The following KLF16 variants were observed in gnomAD, a reference collection of about 807,000 sequenced individuals.
KLF16 encodes the protein Krueppel-like factor 16.
In KLF16, 6 loss-of-function variants were observed where a neutral mutation model predicts 6.1. The observed-to-expected ratio is 0.98, with a 90% CI of 0.54 to 1.93. The LOEUF (loss-of-function observed/expected upper bound fraction) is 1.93, where lower values mean the gene tolerates loss of function less well. Ranked by LOEUF, KLF16 falls within the 30% of genes most tolerant of loss-of-function variation. KLF16 has a pLI of 0.01. For missense variants in KLF16, 355 were observed against 363.8 expected, an observed-to-expected ratio of 0.98 and a Z score of 0.20; for synonymous variants, 211 against 176.5, an observed-to-expected ratio of 1.20 and a Z score of -1.55.
At chr19:1,873,814 T>C in the KLF16 span, among the ~76,000 whole-genome samples, 12 of 152,338 alleles carry the variant, frequency 7.9e-5, no homozygotes, top group Admixed American at 7.8e-4. Flanking sequence ...GGGTGGAAGT[T>C]GGCCTGACAG....
rs923118212 is a variant in KLF16 at position 1,852,615 on chromosome 19, T to C, written c.*1844A>G. 5 of 152,018 alleles carry C rather than the reference T, an allele frequency of 3.3e-5. No individual in the cohort carries two copies. Among genetic ancestry groups the C allele is most frequent in the African/African-American group, 7.3e-5 (3 of 41,350 alleles). The allele number at this position is 152,018 out of a possible 1,614,324, so 9.4% of individuals were successfully genotyped here. On this transcript the variant is annotated 3_prime_UTR_variant, in exon 2 of 2. Coordinates refer to ENST00000250916, the MANE Select transcript of KLF16 (RefSeq NM_031918.4). ...TGGACACTGGAGAGGGGCCCAGTTA[T>C]AGAGTTCTGGAACCCACAGCCCTAC...
At chr19:1,869,965 CCTCT>C in the KLF16 span, among the ~76,000 whole-genome samples, 1 of 139,070 alleles carries the variant, frequency 7.2e-6, no homozygotes, top group Non-Finnish European at 1.5e-5. Flanking sequence ...ACGGAGTCTC[CCTCT>C]GTCGCCAGGC....
At chr19:1,866,254 G>C (rs145875498), upstream of KLF16, among the ~76,000 whole-genome samples, 176 of 151,674 alleles carry the variant, frequency 1.2e-3, no homozygotes, top group African/African-American at 4.2e-3. Flanking sequence ...GTTGCAGTGA[G>C]TTGAGATCGA....
the KLF16 span, among the ~76,000 whole-genome samples, chr19:1,868,842 C>T: frequency 2.0e-5 from 3 of 152,052 alleles, no homozygotes; most frequent in Non-Finnish European, 2.9e-5. Context: ...AGGGTTTCAT[C>T]ATGTTGACCG....
chr19:1,873,568 C>T, the KLF16 span, among the ~76,000 whole-genome samples: 1 of 152,232 alleles, frequency 6.6e-6, no homozygotes, highest in Admixed American at 6.5e-5. Flanking sequence ...GAGACTCAGC[C>T]CCCAGGCGCC....
At chr19:1,861,276 A>T (rs998487868) in intron 1 of KLF16, among the ~76,000 whole-genome samples, 1 of 152,188 alleles carries the variant, frequency 6.6e-6, no homozygotes, top group African/African-American at 2.4e-5. Flanking sequence ...TGGAGCTCTC[A>T]GGCCACGCCA....
At chr19:1,856,950 C>CGGGG (rs946961126) in intron 1 of KLF16, among the ~76,000 whole-genome samples, 1 of 43,262 alleles carries the variant, frequency 2.3e-5, no homozygotes, top group African/African-American at 2.0e-4. Context: ...AGCAGGTTGC[C>CGGGG]GGGGTGGGGG....
Position 1,853,409 on chromosome 19 carries a change from G to T in KLF16, c.*1050C>A, listed in dbSNP as rs980334371. The T allele has an allele frequency of 1.3e-5, 2 of 152,746 alleles. No homozygotes were observed. The highest frequency in any genetic ancestry group is 3.8e-4 in the East Asian group (2 of 5,196). 9.5% of individuals were successfully genotyped at this position (152,746 alleles called of 1,614,324 possible). Reference sequence around the variant, plus strand: ...ACCTCTTCCAAGCACCCAGGAGAAGGAGGGGAGGCCAGGGAAGCAGGGCCG... The same window carrying T: ...ACCTCTTCCAAGCACCCAGGAGAAGTAGGGGAGGCCAGGGAAGCAGGGCCG... On this transcript the variant is annotated 3_prime_UTR_variant, in exon 2 of 2. Transcript: ENST00000250916.
upstream of KLF16, among the ~76,000 whole-genome samples, chr19:1,865,851 T>C (rs1455303454): frequency 2.0e-5 from 3 of 152,344 alleles, no homozygotes; most frequent in South Asian, 2.1e-4. Flanking sequence ...CTGTCCTCTC[T>C]TCCTTACTCT....
In KLF16 at chr19:1,852,399, T is replaced by G. The variant is rs2011852765; in HGVS notation, c.*2060A>C. 1.3e-5 allele frequency: 2 copies of G among 149,762 alleles called. No homozygotes were observed. The highest frequency in any genetic ancestry group is 1.5e-5 in the Non-Finnish European group (1 of 67,360). The allele number at this position is 149,762 out of a possible 1,614,324, so 9.3% of individuals were successfully genotyped here. On this transcript the variant is annotated 3_prime_UTR_variant, in exon 2 of 2. Coordinates refer to ENST00000250916, the MANE Select transcript of KLF16 (RefSeq NM_031918.4). ...GGGAGAGACCACACACACGCTGGAG[T>G]AGGGTTTAAAAAGGGGCTTGTTTAA... is the stretch of plus-strand genomic sequence containing the variant.
In KLF16 at chr19:1,859,045, C is replaced by T. The variant is rs543190386; in HGVS notation, c.457+3996G>A. Among the ~76,000 whole-genome samples the T allele has an allele frequency of 1.1e-3, 164 of 152,102 alleles. 1 individual carries two copies. The highest frequency in any genetic ancestry group is 3.8e-3 in the African/African-American group (156 of 41,530). On this transcript the variant is annotated intron_variant, in intron 1 of 1. Coordinates refer to ENST00000250916, the MANE Select transcript of KLF16 (RefSeq NM_031918.4). Reference sequence around the variant, plus strand: ...CTCTGCACTCTGCAGGCTGGAGAGGCGGTGGGTGGGGGAGGGCAGTCCCTG... The same window carrying T: ...CTCTGCACTCTGCAGGCTGGAGAGGTGGTGGGTGGGGGAGGGCAGTCCCTG...
At chr19:1,863,600 A>T, upstream of KLF16, 1 of 397,068 alleles carries the variant, frequency 2.5e-6, no homozygotes, top group Non-Finnish European at 3.4e-6. Context: ...GAGGAGGAGG[A>T]GGAGGAGGCC....
chr19:1,867,070 C>A (rs967193780), upstream of KLF16, among the ~76,000 whole-genome samples: 11 of 152,186 alleles, frequency 7.2e-5, no homozygotes, highest in Non-Finnish European at 1.3e-4. Flanking sequence ...AGGGGACAGA[C>A]AGCACCCAGG....
chr19:1,872,052 G>A, the KLF16 span, among the ~76,000 whole-genome samples: 5 of 152,140 alleles, frequency 3.3e-5, no homozygotes, highest in South Asian at 2.1e-4. Flanking sequence ...CAGGCACCCC[G>A]CTTCCTTGGC....
At chr19:1,859,882 AG>A (rs952576314) in intron 1 of KLF16, among the ~76,000 whole-genome samples, 2 of 151,930 alleles carry the variant, frequency 1.3e-5, no homozygotes, top group African/African-American at 4.8e-5. Flanking sequence ...ACGACTGGGG[AG>A]GGGGTGCTCC....
In KLF16 at chr19:1,854,336, G is replaced by A. The variant is rs1166447321; in HGVS notation, c.*123C>T. 3 of 1,201,522 alleles carry A rather than the reference G, an allele frequency of 2.5e-6. No homozygotes were observed. The highest frequency in any genetic ancestry group is 6.3e-5 in the East Asian group (2 of 31,522). 74.4% of individuals were successfully genotyped at this position (1,201,522 alleles called of 1,614,324 possible). The stretch of plus-strand genomic sequence containing the variant: ...TCAGGCCCCCTCCTCACTCTCTGGA[G>A]GGGGGCAGGGGTGTCTTCAGGGTTT... On this transcript the variant is annotated 3_prime_UTR_variant, in exon 2 of 2. Coordinates refer to ENST00000250916, the MANE Select transcript of KLF16 (RefSeq NM_031918.4).
the KLF16 span, among the ~76,000 whole-genome samples, chr19:1,872,615 G>A: frequency 2.6e-5 from 4 of 152,232 alleles, no homozygotes; most frequent in African/African-American, 9.6e-5. Flanking sequence ...GCTGGGGAGA[G>A]AATAGGCTCT....
At chr19:1,873,858 CAT>C in the KLF16 span, among the ~76,000 whole-genome samples, 1 of 152,264 alleles carries the variant, frequency 6.6e-6, no homozygotes, top group Non-Finnish European at 1.5e-5. Flanking sequence ...CGGTTTACCC[CAT>C]GTGAGAGGGA....
In KLF16 at chr19:1,863,510, C is replaced by CGCGCG. The variant is rs1294468785; in HGVS notation, c.-18_-14dup. 2.0e-6 allele frequency: 2 copies of CGCGCG among 982,606 alleles called. No individual in the cohort carries two copies. The highest frequency in any genetic ancestry group is 4.4e-5 in the South Asian group (1 of 22,688). The allele number at this position is 982,606 out of a possible 1,614,324, so 60.9% of individuals were successfully genotyped here. On this transcript the variant is annotated 5_prime_UTR_variant, in exon 1 of 2. Coordinates refer to ENST00000250916, the MANE Select transcript of KLF16 (RefSeq NM_031918.4). ...CGGCCGCCGACATGCCGAGCAAGGG[C>CGCGCG]GCGCGGCGCGGCGGGCGGAGCGGAG...
Sources: gnomAD v4.1 joint callset for allele counts (sites outside exome capture counted in the v4.1 genomes callset) on GRCh38, gnomAD v4.1.1 for gene constraint, MANE v1.5 for transcripts, NCBI Gene and HGNC (gene_info 2026-07-23, HGNC 2026-07-21) for gene names.